DSCAM: variants seen among roughly 807,000 people sequenced by gnomAD.
DSCAM encodes the protein DS cell adhesion molecule, also known as cell adhesion molecule DSCAM.
In DSCAM, 47 loss-of-function variants were observed where a neutral mutation model predicts 217.7. That is an observed-to-expected ratio of 0.22 (90% CI 0.17 to 0.28). DSCAM has a LOEUF of 0.28. DSCAM is among the 10% of genes least tolerant of loss of function. The pLI, the probability that DSCAM is intolerant of heterozygous loss-of-function variation, is 1.00. For synonymous variants in DSCAM, 1,056 were observed against 1,015.3 expected, an observed-to-expected ratio of 1.04 and a Z score of -0.76; for missense variants, 2,080 against 2,618.3, an observed-to-expected ratio of 0.79 and a Z score of 4.49.
intron 3 of DSCAM, among the ~76,000 whole-genome samples, chr21:40,404,979 T>C (rs2075268051): frequency 2.0e-5 from 3 of 152,234 alleles, no homozygotes; most frequent in Admixed American, 2.0e-4. Flanking sequence ...GCAAGGCTTT[T>C]AATTTGCTTC....
At chr21:40,603,678 A>G (rs74861568) in intron 3 of DSCAM, among the ~76,000 whole-genome samples, 3,963 of 152,222 alleles carry the variant, frequency 0.026, 149 homozygotes, top group African/African-American at 0.09. Flanking sequence ...AAGAAACATT[A>G]TGTAGACAGA....
chr21:40,128,884 G>C lies in DSCAM; in HGVS notation c.3563-4556C>G, dbSNP rs531494731. ...GATAAGACATTTGTATTGTTTTAAC[G>C]TGTTAAGGTTGTAGCAATCTGTTCC... On this transcript the variant is annotated intron_variant, in intron 19 of 32. Transcript: ENST00000400454. Among the ~76,000 whole-genome samples, 3 of 152,200 alleles carry C rather than the reference G, an allele frequency of 2.0e-5. No homozygotes were observed. The South Asian group carries it at 6.2e-4, about 32-fold the overall frequency.
intron 20 of DSCAM, among the ~76,000 whole-genome samples, chr21:40,113,928 G>C (rs1431675440): frequency 2.0e-5 from 3 of 151,826 alleles, no homozygotes. Flanking sequence ...CAAACAAATG[G>C]AAGAACATTC....
chr21:40,076,680 T>C (rs146336211), intron 26 of DSCAM, among the ~76,000 whole-genome samples: 3 of 152,364 alleles, frequency 2.0e-5, no homozygotes, highest in Admixed American at 6.5e-5. Context: ...GCAGAACACT[T>C]TGTGAATTAG....
At chr21:40,231,005 T>C (rs1165546465) in intron 11 of DSCAM, among the ~76,000 whole-genome samples, 1 of 150,974 alleles carries the variant, frequency 6.6e-6, no homozygotes, top group Non-Finnish European at 1.5e-5. Context: ...TGACTCTCGA[T>C]TATGCTTTTT....
intron 5 of DSCAM, among the ~76,000 whole-genome samples, chr21:40,352,693 T>A (rs2074645530): frequency 6.6e-6 from 1 of 152,228 alleles, no homozygotes; most frequent in African/African-American, 2.4e-5. Flanking sequence ...AGCATTATAT[T>A]GGCAACTAAG....
chr21:40,589,853 G>A (rs1181730452), intron 3 of DSCAM, among the ~76,000 whole-genome samples: 1 of 152,112 alleles, frequency 6.6e-6, no homozygotes, highest in East Asian at 1.9e-4. Flanking sequence ...TTTGTCCTCT[G>A]GTAGCTTATG....
At chr21:40,188,802 TA>T (rs2090923519) in intron 12 of DSCAM, among the ~76,000 whole-genome samples, 3 of 148,032 alleles carry the variant, frequency 2.0e-5, no homozygotes, top group Non-Finnish European at 3.0e-5. Context: ...TTTTTTTTTT[TA>T]CTACATTTGG....
At chr21:40,200,770 C>T (rs2091061563) in intron 11 of DSCAM, among the ~76,000 whole-genome samples, 1 of 152,174 alleles carries the variant, frequency 6.6e-6, no homozygotes, top group African/African-American at 2.4e-5. Flanking sequence ...AACAATGAGA[C>T]CTGCCGCCTC....
chr21:40,343,097 A>G (rs2074517429), intron 6 of DSCAM, among the ~76,000 whole-genome samples: 1 of 152,126 alleles, frequency 6.6e-6, no homozygotes, highest in Non-Finnish European at 1.5e-5. Flanking sequence ...TCAAAATATT[A>G]GTTTCCAATT....
Position 40,124,336 on chromosome 21 carries a change from A to G in DSCAM, c.3563-8T>C. The G allele has an allele frequency of 6.2e-7, 1 of 1,613,492 alleles. No individual in the cohort carries two copies. Among genetic ancestry groups the G allele is most frequent in the Non-Finnish European group, 8.5e-7 (1 of 1,179,988 alleles). ...CCGCGGGAGGACCTGGAACTGGAAGAGCCGTGTGTTTAGTCACAAGGTGGG... is the reference window on the plus strand; with the variant it reads ...CCGCGGGAGGACCTGGAACTGGAAGGGCCGTGTGTTTAGTCACAAGGTGGG... On this transcript the variant is annotated splice_polypyrimidine_tract_variant and splice_region_variant and intron_variant, in intron 19 of 32. Transcript: ENST00000400454.
intron 1 of DSCAM, among the ~76,000 whole-genome samples, chr21:40,836,954 G>A (rs1431202100): frequency 6.6e-6 from 1 of 152,204 alleles, no homozygotes; most frequent in Non-Finnish European, 1.5e-5. Flanking sequence ...GGAGGCTAAT[G>A]AGAGGAAATG....
chr21:40,186,785 G>A (rs1285527464), intron 14 of DSCAM, among the ~76,000 whole-genome samples: 1 of 152,218 alleles, frequency 6.6e-6, no homozygotes, highest in African/African-American at 2.4e-5. Context: ...CGGGAAACGG[G>A]AAGTGAAGGG....
chr21:40,763,471 C>A (rs143773014), intron 1 of DSCAM, among the ~76,000 whole-genome samples: 2 of 152,292 alleles, frequency 1.3e-5, no homozygotes, highest in Middle Eastern at 3.4e-3. Context: ...AAAAACATTC[C>A]ATGCTCATGG....
At chr21:40,680,291 G>A (rs1431866116) in intron 3 of DSCAM, among the ~76,000 whole-genome samples, 1 of 152,116 alleles carries the variant, frequency 6.6e-6, no homozygotes, top group Non-Finnish European at 1.5e-5. Flanking sequence ...ACACCTAGAG[G>A]TCCAGAATTA....
At chr21:40,167,956 C>T (rs993160608) in intron 15 of DSCAM, among the ~76,000 whole-genome samples, 3 of 152,060 alleles carry the variant, frequency 2.0e-5, no homozygotes, top group South Asian at 2.1e-4. Context: ...CCCAGCTACT[C>T]GGGAGGCTGA....
chr21:40,089,447 T>G (rs2089576424), intron 21 of DSCAM, among the ~76,000 whole-genome samples: 1 of 152,212 alleles, frequency 6.6e-6, no homozygotes, highest in Admixed American at 6.5e-5. Flanking sequence ...TTCTCAGCCA[T>G]GGGGCCAGGC....
At chr21:40,291,318 T>C (rs557910425) in intron 10 of DSCAM, among the ~76,000 whole-genome samples, 28 of 152,248 alleles carry the variant, frequency 1.8e-4, no homozygotes, top group Non-Finnish European at 4.0e-4. Context: ...TTTTAAAGCA[T>C]GAGGCAGATC....
chr21:40,656,291 G>A lies in DSCAM; in HGVS notation c.508+36519C>T, dbSNP rs115204755. Among the ~76,000 whole-genome samples the A allele has an allele frequency of 2.0e-3, 302 of 151,522 alleles. 2 individuals carry two copies. The highest frequency in any genetic ancestry group is 7.0e-3 in the African/African-American group (287 of 41,000). On this transcript the variant is annotated intron_variant, in intron 3 of 32. Coordinates refer to ENST00000400454, the MANE Select transcript of DSCAM (RefSeq NM_001389.5). Reference sequence around the variant, plus strand: ...TAACGTTTCCATTTTATTTTCACACGCAAATGCTGATGATCTTTAGTTTCC... The same window carrying A: ...TAACGTTTCCATTTTATTTTCACACACAAATGCTGATGATCTTTAGTTTCC...
Sources: gnomAD v4.1 joint callset for allele counts (sites outside exome capture counted in the v4.1 genomes callset) on GRCh38, gnomAD v4.1.1 for gene constraint, MANE v1.5 for transcripts, NCBI Gene and HGNC (gene_info 2026-07-23, HGNC 2026-07-21) for gene names.